The following YWHAZ variants were observed in gnomAD, a reference collection of about 807,000 sequenced individuals.
The protein encoded by YWHAZ is 14-3-3 protein zeta/delta.
For missense variants in YWHAZ, 79 were observed against 284.8 expected (o/e 0.28, Z 5.20); for synonymous variants, 87 against 103.6 (o/e 0.84, Z 0.97).
chr8:100,946,564 C>G (rs1810291080), intron 2 of YWHAZ, among the ~76,000 whole-genome samples: 1 of 152,006 alleles, frequency 6.6e-6, no homozygotes, highest in African/African-American at 2.4e-5. Flanking sequence ...AACAAACAAA[C>G]AAACAAACAT....
At chr8:100,935,535 T>C (rs914517423) in intron 2 of YWHAZ, among the ~76,000 whole-genome samples, 7 of 152,104 alleles carry the variant, frequency 4.6e-5, no homozygotes, top group African/African-American at 1.7e-4. Context: ...CCTAAGAGAT[T>C]GCTCATTTAA....
chr8:100,916,851 CTG>C lies in YWHAZ; in HGVS notation c.*3840_*3841del, dbSNP rs1366993688. 3 of 152,216 alleles carry C rather than the reference CTG, an allele frequency of 2.0e-5. No individual in the cohort carries two copies. The highest frequency in any genetic ancestry group is 6.5e-5 in the Admixed American group (1 of 15,284). The allele number at this position is 152,216 out of a possible 1,614,324, so 9.4% of individuals were successfully genotyped here. A position where few individuals can be genotyped will look rare whatever the true frequency, so the allele number is the denominator to read the frequency against. On this transcript the variant is annotated 3_prime_UTR_variant, in exon 6 of 6. Coordinates refer to ENST00000395958, the MANE Select transcript of YWHAZ (RefSeq NM_145690.3). ...AAGGAACTAGAATCAATCAAGGAGA[CTG>C]TGACTACTACCAGTCACATAAAAGT...
At chr8:100,951,129 G>C (rs1287457742) in intron 1 of YWHAZ, 16 of 740,400 alleles carry the variant, frequency 2.2e-5, no homozygotes, top group Non-Finnish European at 2.5e-5. Context: ...TCCTCCCACC[G>C]CGGAGCCCAG....
chr8:100,953,012 G>A, upstream of YWHAZ: 5 of 999,306 alleles, frequency 5.0e-6, no homozygotes, highest in Non-Finnish European at 6.0e-6. Flanking sequence ...GCGCCGAGGT[G>A]GGGGCGAGGT....
At position 100,924,319 on chromosome 8, in the gene YWHAZ, C is replaced by T. The variant is rs111367155; in HGVS notation, c.419-21G>A. 58 of 1,605,144 alleles carry T rather than the reference C, an allele frequency of 3.6e-5. No individual in the cohort carries two copies. Among genetic ancestry groups the T allele is most frequent in the African/African-American group, 2.0e-4 (15 of 74,810 alleles). On this transcript the variant is annotated intron_variant, in intron 3 of 5. Transcript: ENST00000395958. This position sits in a 1 kb window ranked among gnomAD's most constrained non-coding sequence, Gnocchi z 5.7. ...AATCCCTGGATAAGACACACCAAAA[C>T]GTACTGAGATAAAGTGTGCATTATA...
intron 2 of YWHAZ, among the ~76,000 whole-genome samples, chr8:100,943,998 G>A (rs4734499): frequency 0.5 from 65,899 of 131,146 alleles, 16,406 homozygotes; most frequent in South Asian, 0.65. Flanking sequence ...AAAAAAAAAA[G>A]AAAAAAGAAA....
Position 100,918,443 on chromosome 8 carries a change from T to TATATATATATATAAA in YWHAZ, c.*2249_*2250insTTTATATATATATAT, listed in dbSNP as rs1417316114. ...ATATATATATATATATATATATATA[T>TATATATATATATAAA]AATTATTTTACCTCCTTGGCTTGGG... On this transcript the variant is annotated 3_prime_UTR_variant, in exon 6 of 6. Coordinates refer to ENST00000395958, the MANE Select transcript of YWHAZ (RefSeq NM_145690.3). 2 of 117,072 alleles carry TATATATATATATAAA rather than the reference T, an allele frequency of 1.7e-5. No homozygotes were observed. Among genetic ancestry groups the TATATATATATATAAA allele is most frequent in the African/African-American group, 6.8e-5 (2 of 29,618 alleles). 7.3% of individuals were successfully genotyped at this position (117,072 alleles called of 1,614,324 possible).
chr8:100,928,757 C>CAT (rs1813550370), intron 2 of YWHAZ, among the ~76,000 whole-genome samples: 1 of 150,576 alleles, frequency 6.6e-6, no homozygotes, highest in East Asian at 1.9e-4. Flanking sequence ...AAAAAAGGAA[C>CAT]ATATTCTCAG....
intron 1 of YWHAZ, 105 bp from the exon 2 acceptor site, chr8:100,949,005 C>A: frequency 7.8e-7 from 1 of 1,287,596 alleles, no homozygotes; most frequent in Non-Finnish European, 1.1e-6. Context: ...AACCTAACTG[C>A]CTGTGAAAGA....
rs1275035937 is a variant in YWHAZ at position 100,948,110 on chromosome 8, G to A, written c.294+486C>T. 2 of 1,535,024 alleles carry A rather than the reference G, an allele frequency of 1.3e-6. No individual in the cohort carries two copies. The highest frequency in any genetic ancestry group is 1.7e-6 in the Non-Finnish European group (2 of 1,146,714). On this transcript the variant is annotated intron_variant, in intron 2 of 5. Coordinates refer to ENST00000395958, the MANE Select transcript of YWHAZ (RefSeq NM_145690.3). This position sits in a 1 kb window ranked among gnomAD's most constrained non-coding sequence, Gnocchi z 4.2. The stretch of plus-strand genomic sequence containing the variant: ...ATTCAATGCAGGAAGAGGTTTCATA[G>A]TTGTGACGCCAGAGTTTTCTGCATG...
intron 2 of YWHAZ, among the ~76,000 whole-genome samples, chr8:100,942,815 A>T (rs1265716099): frequency 2.6e-5 from 4 of 152,240 alleles, no homozygotes; most frequent in Admixed American, 6.5e-5. Context: ...AATAAGAAAT[A>T]CATGCAACAT....
intron 2 of YWHAZ, chr8:100,947,980 G>GT: frequency 9.6e-6 from 8 of 829,930 alleles, no homozygotes; most frequent in South Asian, 1.9e-5. Context: ...CTTCAACACA[G>GT]TAAGTACTGA....
At chr8:100,940,275 T>TTGG (rs751763833) in intron 2 of YWHAZ, among the ~76,000 whole-genome samples, 1 of 152,152 alleles carries the variant, frequency 6.6e-6, no homozygotes, top group Non-Finnish European at 1.5e-5. Flanking sequence ...CTTTTTGTTG[T>TTGG]TGGTGGTGGT....
intron 2 of YWHAZ, among the ~76,000 whole-genome samples, chr8:100,946,637 T>C (rs1301753992): frequency 6.6e-6 from 1 of 152,032 alleles, no homozygotes; most frequent in African/African-American, 2.4e-5. Flanking sequence ...ACAGGAACTT[T>C]TATACTTTGT....
At chr8:100,933,968 C>T (rs938930770) in intron 2 of YWHAZ, among the ~76,000 whole-genome samples, 2 of 151,532 alleles carry the variant, frequency 1.3e-5, no homozygotes, top group Admixed American at 1.3e-4. Context: ...ACCAGCTTGG[C>T]CATCATGTTG....
At chr8:100,941,571 GGTCAGGA>G (rs1809860833) in intron 2 of YWHAZ, among the ~76,000 whole-genome samples, 1 of 152,152 alleles carries the variant, frequency 6.6e-6, no homozygotes, top group African/African-American at 2.4e-5. Flanking sequence ...GATCACCTGA[GGTCAGGA>G]GTTCAAGACC....
chr8:100,931,398 C>G (rs1813752130), intron 2 of YWHAZ, among the ~76,000 whole-genome samples: 1 of 152,170 alleles, frequency 6.6e-6, no homozygotes, highest in African/African-American at 2.4e-5. Flanking sequence ...GAATCTATCT[C>G]TAGTGATATG....
rs556832931 is a variant in YWHAZ, at chr8:100,944,664, G to A, written c.294+3932C>T. On this transcript the variant is annotated intron_variant, in intron 2 of 5. Coordinates refer to ENST00000395958, the MANE Select transcript of YWHAZ (RefSeq NM_145690.3). The stretch of plus-strand genomic sequence containing the variant: ...CTTCAATCTTCGAAATTCCATTCAT[G>A]GACTGTAAGTTAAGAGACCCCTGCA... Among the ~76,000 whole-genome samples the A allele has an allele frequency of 9.9e-5, 15 of 152,202 alleles. No individual in the cohort carries two copies. In the East Asian group the frequency reaches 2.7e-3, roughly 27 times the overall value.
In YWHAZ at chr8:100,948,694, C is replaced by G. The variant is rs1317339249; in HGVS notation, c.196G>C (p.Glu66Gln). The G allele has an allele frequency of 6.2e-7, 1 of 1,603,376 alleles. No homozygotes were observed. The change falls in exon 2 of 6, where the codon GAA becomes CAA. Residue 66 changes from glutamate (E) to glutamine (Q), a missense_variant. Transcript: ENST00000395958. This position sits in a 1 kb window ranked among gnomAD's most constrained non-coding sequence, Gnocchi z 4.2. ...RSSWRVVSSIEQKTEGAEKKQ... is the reference protein window; with the variant it reads ...RSSWRVVSSIQQKTEGAEKKQ... ...TTCTCAGCACCTTCCGTCTTTTGTTCAATACTTGAGACGACCCTCCAAGAT... is the reference window on the plus strand; with the variant it reads ...TTCTCAGCACCTTCCGTCTTTTGTTGAATACTTGAGACGACCCTCCAAGAT...
Sources: allele counts gnomAD v4.1 joint callset (sites outside exome capture counted in the v4.1 genomes callset), GRCh38; gene constraint gnomAD v4.1.1; non-coding constraint Gnocchi (gnomAD v3.1); transcripts MANE v1.5; gene names NCBI Gene and HGNC (gene_info 2026-07-23, HGNC 2026-07-21).